The following CREBBP variants were observed in gnomAD, a reference collection of about 807,000 sequenced individuals.
CREBBP encodes CREB binding lysine acetyltransferase, also known as CREB-binding protein.
CREBBP carries 19 observed loss-of-function variants against 265.0 expected under a neutral mutation model. That is an observed-to-expected ratio of 0.07 (90% confidence interval 0.05 to 0.11). The LOEUF (loss-of-function observed/expected upper bound fraction) is 0.11, where lower values mean the gene tolerates loss of function less well. Among genes scored for constraint, CREBBP ranks in the 10% least tolerant of loss-of-function variants. The pLI is 1.00. For synonymous variants in CREBBP, 1,457 were observed against 1,223.7 expected, an observed-to-expected ratio of 1.19 and a Z score of -3.98; for missense variants, 2,525 against 3,219.0, an observed-to-expected ratio of 0.78 and a Z score of 5.22.
intron 4 of CREBBP, 112 bp from the exon 5 acceptor site, chr16:3,792,206 A>G (rs2053521040): frequency 2.2e-6 from 2 of 910,714 alleles, no homozygotes; most frequent in East Asian, 2.5e-5. Context: ...AAGTGTAACC[A>G]TAACACAGTA....
Position 3,854,547 on chromosome 16 carries a change from G to A in CREBBP, c.86-3538C>T, listed in dbSNP as rs575317430. On this transcript the variant is annotated intron_variant, in intron 1 of 30. Coordinates refer to ENST00000262367, the MANE Select transcript of CREBBP (RefSeq NM_004380.3). The stretch of plus-strand genomic sequence containing the variant: ...GTTTAACCTCACCCTAACCCTAACA[G>A]ACCCATCATGTCTATGGAAGAAGTT... Among the ~76,000 whole-genome samples the A allele has an allele frequency of 4.5e-4, 69 of 152,240 alleles. 1 individual carries two copies. In the South Asian group the frequency reaches 0.014, roughly 31 times the overall value.
rs1277987099 is a variant in CREBBP, at chr16:3,778,802, G to A, written c.1839C>T (p.Phe613=). 1.2e-6 allele frequency: 2 copies of A among 1,613,808 alleles called. No homozygotes were observed. The change falls in exon 9 of 31, where the codon TTC becomes TTT. Residue 613 remains phenylalanine, a synonymous_variant. Coordinates refer to ENST00000262367, the MANE Select transcript of CREBBP (RefSeq NM_004380.3). The part of the protein sequence containing the change: ...HLVHKLVQAI[F]PTPDPAALKD... ...TTAGAGCTGCGGGATCAGGTGTTGG[G>A]AAGATGGCTTGGACGCTGAAAGGAT...
intron 3 of CREBBP, among the ~76,000 whole-genome samples, chr16:3,810,237 C>G (rs2053910933): frequency 6.6e-6 from 1 of 152,100 alleles, no homozygotes; most frequent in South Asian, 2.1e-4. Flanking sequence ...GACGGTAATA[C>G]AAATCAATGG....
chr16:3,779,315 C>T (rs780753019), intron 8 of CREBBP, among the ~76,000 whole-genome samples: 2 of 152,126 alleles, frequency 1.3e-5, no homozygotes, highest in Non-Finnish European at 2.9e-5. Context: ...CTGGGAAGTA[C>T]AGGTGCACAC....
Position 3,849,428 on chromosome 16 carries a change from T to TGTG in CREBBP, c.798+866_798+868dup, listed in dbSNP as rs1567360143. 2.1e-3 allele frequency among the ~76,000 whole-genome samples: 17 copies of TGTG among 7,936 alleles called. 1 individual carries two copies. Among genetic ancestry groups the TGTG allele is most frequent in the Admixed American group, 0.013 (6 of 456 alleles). The allele number at this position is 7,936 out of a possible 152,430, so 5.2% of individuals were successfully genotyped here. A position where few individuals can be genotyped will look rare whatever the true frequency, so the allele number is the denominator to read the frequency against. ...GTGTGTGTGTGTGTGTGTGTGTGTGTGTGTGTGTGTGTGTGTGTGTGTGTG... is the reference window on the plus strand; with the variant it reads ...GTGTGTGTGTGTGTGTGTGTGTGTGTGTGGTGTGTGTGTGTGTGTGTGTGTGTG... On this transcript the variant is annotated intron_variant, in intron 2 of 30. Transcript: ENST00000262367.
chr16:3,857,624 C>T (rs1181426556), intron 1 of CREBBP, among the ~76,000 whole-genome samples: 2 of 152,164 alleles, frequency 1.3e-5, no homozygotes, highest in East Asian at 3.8e-4. Context: ...GCGATCCAGT[C>T]CCAGGTAAGC....
At chr16:3,849,921 A>G (rs967321148) in intron 2 of CREBBP, among the ~76,000 whole-genome samples, 2 of 152,024 alleles carry the variant, frequency 1.3e-5, no homozygotes, top group African/African-American at 4.8e-5. Context: ...TTTCTCATTC[A>G]GTGAAATGGA....
intron 3 of CREBBP, among the ~76,000 whole-genome samples, chr16:3,797,746 C>T (rs537087338): frequency 4.6e-5 from 7 of 151,634 alleles, no homozygotes; most frequent in East Asian, 1.9e-4. Context: ...AGTGGTGAGG[C>T]ATCTTTGATC....
chr16:3,855,955 C>G (rs2054953418), intron 1 of CREBBP, among the ~76,000 whole-genome samples: 1 of 152,188 alleles, frequency 6.6e-6, no homozygotes, highest in Non-Finnish European at 1.5e-5. Flanking sequence ...ATATTTTTGT[C>G]CAACCCAAAT....
chr16:3,820,836 C>T (rs1244708312), intron 2 of CREBBP, among the ~76,000 whole-genome samples: 1 of 152,206 alleles, frequency 6.6e-6, no homozygotes, highest in Non-Finnish European at 1.5e-5. Flanking sequence ...TACACACACA[C>T]ACAGCCACGA....
At chr16:3,802,483 T>C (rs975483358) in intron 3 of CREBBP, among the ~76,000 whole-genome samples, 14 of 152,118 alleles carry the variant, frequency 9.2e-5, no homozygotes, top group Admixed American at 2.0e-4. Flanking sequence ...AGGACTGTTA[T>C]TGCTACATAG....
chr16:3,851,654 A>C (rs1442165686), intron 1 of CREBBP, among the ~76,000 whole-genome samples: 2 of 152,062 alleles, frequency 1.3e-5, no homozygotes, highest in Non-Finnish European at 2.9e-5. Flanking sequence ...GGAGAGCGAG[A>C]CCATCCTGGC....
rs1028019001 is a variant in CREBBP at position 3,769,460 on chromosome 16, T to C, written c.2881-107A>G. 3.3e-5 allele frequency: 46 copies of C among 1,380,106 alleles called. No homozygotes were observed. The East Asian group carries it at 8.5e-4, about 26-fold the overall frequency. 85.5% of individuals were successfully genotyped at this position (1,380,106 alleles called of 1,614,324 possible). A position where few individuals can be genotyped will look rare whatever the true frequency, so the allele number is the denominator to read the frequency against. ...ATTTCCCATTAACATTTCTCAATAC[T>C]GATCCAGCAGGTGCCCTTCTGTGAA... On this transcript the variant is annotated intron_variant, in intron 14 of 30. Transcript: ENST00000262367.
At chr16:3,870,870 G>C (rs557000674) in intron 1 of CREBBP, among the ~76,000 whole-genome samples, 1 of 151,992 alleles carries the variant, frequency 6.6e-6, no homozygotes, top group Non-Finnish European at 1.5e-5. Flanking sequence ...AGCAGAAGTA[G>C]AGCCAGGCAC....
At chr16:3,790,684 T>C (rs559669238) in intron 5 of CREBBP, among the ~76,000 whole-genome samples, 1 of 152,298 alleles carries the variant, frequency 6.6e-6, no homozygotes, top group Admixed American at 6.5e-5. Context: ...TCGTTGTGGT[T>C]CTTCTGTAGG....
chr16:3,736,231 T>G, intron 27 of CREBBP, 28 bp from the exon 28 acceptor site: 1 of 1,610,764 alleles, frequency 6.2e-7, no homozygotes, highest in Non-Finnish European at 8.5e-7. Context: ...AACAGTGAGA[T>G]GAGGGCCATG....
intron 16 of CREBBP, among the ~76,000 whole-genome samples, chr16:3,765,042 C>T (rs1242739720): frequency 1.3e-5 from 2 of 151,586 alleles, no homozygotes; most frequent in Non-Finnish European, 2.9e-5. Context: ...TGCAGTATCT[C>T]GGCTCACTAC....
At chr16:3,836,465 A>G (rs1444792268) in intron 2 of CREBBP, among the ~76,000 whole-genome samples, 1 of 151,806 alleles carries the variant, frequency 6.6e-6, no homozygotes, top group African/African-American at 2.4e-5. Flanking sequence ...AAAAGAAAAA[A>G]AAGAAATTAG....
chr16:3,877,180 C>A (rs143923053), intron 1 of CREBBP, among the ~76,000 whole-genome samples: 2 of 152,116 alleles, frequency 1.3e-5, no homozygotes, highest in Non-Finnish European at 2.9e-5. Context: ...TCCACTAGGC[C>A]CAATTTTCCC....
Sources: gnomAD v4.1 joint callset for allele counts (sites outside exome capture counted in the v4.1 genomes callset) on GRCh38, gnomAD v4.1.1 for gene constraint, MANE v1.5 for transcripts, NCBI Gene and HGNC (gene_info 2026-07-23, HGNC 2026-07-21) for gene names.